The following IL1RAPL2 variants were observed in gnomAD, a reference collection of about 807,000 sequenced individuals.
IL1RAPL2 encodes interleukin 1 receptor accessory protein like 2, also known as X-linked interleukin-1 receptor accessory protein-like 2.
A neutral mutation model predicts 44.1 loss-of-function variants in IL1RAPL2; 3 were observed. The observed-to-expected ratio is 0.07, with a 90% confidence interval of 0.03 to 0.18. The LOEUF (loss-of-function observed/expected upper bound fraction) is 0.18. Among genes scored for constraint, IL1RAPL2 ranks in the 10% least tolerant of loss-of-function variants. The pLI, the probability that IL1RAPL2 is intolerant of heterozygous loss-of-function variation, is 1.00. For synonymous variants in IL1RAPL2, 181 were observed against 178.8 expected, an observed-to-expected ratio of 1.01 and a Z score of -0.10; for missense variants, 391 against 496.4, an observed-to-expected ratio of 0.79 and a Z score of 2.02.
chrX:105,359,426 C>T (rs1185637159), intron 5 of IL1RAPL2, among the ~76,000 whole-genome samples: 1 of 111,599 alleles, frequency 9.0e-6, no homozygotes, highest in Non-Finnish European at 1.9e-5. Context: ...TGGGAATTTT[C>T]ATAATGTGGT....
chrX:104,789,683 G>A (rs1313699784), intron 2 of IL1RAPL2, among the ~76,000 whole-genome samples: 3 of 112,007 alleles, frequency 2.7e-5, no homozygotes, highest in Middle Eastern at 4.6e-3. Context: ...ATGTGACTTT[G>A]GCATATGACT....
chrX:105,631,563 G>A (rs747300308), intron 6 of IL1RAPL2, among the ~76,000 whole-genome samples: 54 of 111,868 alleles, frequency 4.8e-4, no homozygotes, highest in African/African-American at 1.5e-3. Flanking sequence ...CAGACTTTGC[G>A]TCTGCAAGGG....
At chrX:104,742,679 G>A (rs778963254) in intron 2 of IL1RAPL2, among the ~76,000 whole-genome samples, 1 of 111,302 alleles carries the variant, frequency 9.0e-6, no homozygotes, top group South Asian at 3.8e-4. Context: ...TATTCCAAAG[G>A]CATGGATTCA....
At chrX:104,836,582 A>G (rs934083434) in intron 2 of IL1RAPL2, among the ~76,000 whole-genome samples, 1 of 110,604 alleles carries the variant, frequency 9.0e-6, no homozygotes, top group Non-Finnish European at 1.9e-5. Flanking sequence ...AAAAGAAAAC[A>G]ACCACATTGA....
chrX:105,348,834 A>G (rs1214906403), intron 5 of IL1RAPL2, among the ~76,000 whole-genome samples: 1 of 111,852 alleles, frequency 8.9e-6, no homozygotes, highest in Non-Finnish European at 1.9e-5. Flanking sequence ...ACGATGGGTG[A>G]GGGGTCTAGT....
chrX:105,493,393 G>A (rs1342480483), intron 6 of IL1RAPL2, among the ~76,000 whole-genome samples: 1 of 111,117 alleles, frequency 9.0e-6, no homozygotes, highest in Non-Finnish European at 1.9e-5. Flanking sequence ...GTAATGCAGA[G>A]GTTCCAATTT....
intron 5 of IL1RAPL2, among the ~76,000 whole-genome samples, chrX:105,413,411 G>A (rs2035711188): frequency 9.0e-6 from 1 of 111,223 alleles, no homozygotes; most frequent in Non-Finnish European, 1.9e-5. Context: ...GAAGAAGAAG[G>A]CAGAAATGAC....
chrX:104,589,904 A>G (rs1393084908), intron 1 of IL1RAPL2, among the ~76,000 whole-genome samples: 2 of 112,129 alleles, frequency 1.8e-5, no homozygotes. Context: ...ACAAGTTAGC[A>G]TTTGCTCACT....
intron 2 of IL1RAPL2, among the ~76,000 whole-genome samples, chrX:105,078,144 T>C (rs956778975): frequency 9.0e-6 from 1 of 111,665 alleles, no homozygotes; most frequent in Admixed American, 9.6e-5. Context: ...CTGCTCTGTT[T>C]TTTCCCCATC....
In IL1RAPL2 at chrX:105,041,922, G is replaced by A. The variant is rs759536720; in HGVS notation, c.83-153553G>A. Among the ~76,000 whole-genome samples, 138 of 110,512 alleles carry A rather than the reference G, an allele frequency of 1.2e-3. 1 individual carries two copies. Among genetic ancestry groups the A allele is most frequent in the South Asian group, 9.7e-3 (25 of 2,576 alleles). On this transcript the variant is annotated intron_variant, in intron 2 of 10. Coordinates refer to ENST00000372582, the MANE Select transcript of IL1RAPL2 (RefSeq NM_017416.2). ...GAAGAGAGCCCTCAGAAATAACGCCGCATATCTACAATTATCTGATCTTTG... is the reference window on the plus strand; with the variant it reads ...GAAGAGAGCCCTCAGAAATAACGCCACATATCTACAATTATCTGATCTTTG...
intron 2 of IL1RAPL2, among the ~76,000 whole-genome samples, chrX:104,932,967 A>G (rs968708270): frequency 4.4e-4 from 49 of 111,917 alleles, no homozygotes; most frequent in Non-Finnish European, 9.4e-5. Context: ...TTGAATTTCC[A>G]CTAAAGTATC....
intron 6 of IL1RAPL2, among the ~76,000 whole-genome samples, chrX:105,665,354 T>C (rs995392988): frequency 9.1e-6 from 1 of 109,936 alleles, no homozygotes; most frequent in Non-Finnish European, 1.9e-5. Flanking sequence ...CGTGTGTGTG[T>C]GTGTGTGTGT....
intron 5 of IL1RAPL2, among the ~76,000 whole-genome samples, chrX:105,353,441 A>G (rs184106809): frequency 1.8e-5 from 2 of 111,638 alleles, no homozygotes; most frequent in East Asian, 5.6e-4. Flanking sequence ...TATGAACTTT[A>G]AAGTAGTTTT....
intron 6 of IL1RAPL2, among the ~76,000 whole-genome samples, chrX:105,523,066 T>C (rs1014077901): frequency 3.6e-5 from 4 of 111,633 alleles, no homozygotes; most frequent in African/African-American, 1.3e-4. Flanking sequence ...TGTTCTAATC[T>C]CTGTCTTTGA....
rs977614533 is a variant in IL1RAPL2, at chrX:105,483,909, G to T, written c.698-404G>T. 1.5e-4 allele frequency among the ~76,000 whole-genome samples: 17 copies of T among 111,501 alleles called. 1 individual carries two copies. On this transcript the variant is annotated intron_variant, in intron 5 of 10. Transcript: ENST00000372582. Reference sequence around the variant, plus strand: ...TGGGGGATAATTCAGAGGTTTAGAAGATTCATGTCACTAAAAATGTCCGTT... The same window carrying T: ...TGGGGGATAATTCAGAGGTTTAGAATATTCATGTCACTAAAAATGTCCGTT...
intron 2 of IL1RAPL2, among the ~76,000 whole-genome samples, chrX:104,828,612 C>T (rs1305163853): frequency 3.6e-5 from 4 of 111,701 alleles, no homozygotes; most frequent in African/African-American, 9.8e-5. Context: ...GGGTCAGGGA[C>T]CCACTTGAGG....
In IL1RAPL2 at chrX:105,027,422, A is replaced by G. The variant is rs747598344; in HGVS notation, c.83-168053A>G. ...GGGAGAAAATAATTTAAAACTACCC[A>G]TCTGAGAAGGATTAATAACCACAAT... is the stretch of plus-strand genomic sequence containing the variant. On this transcript the variant is annotated intron_variant, in intron 2 of 10. Coordinates refer to ENST00000372582, the MANE Select transcript of IL1RAPL2 (RefSeq NM_017416.2). 1.3e-4 allele frequency among the ~76,000 whole-genome samples: 15 copies of G among 111,829 alleles called. No individual in the cohort carries two copies. In the East Asian group the frequency reaches 2.6e-3, roughly 19 times the overall value.
At chrX:104,748,822 A>G in intron 2 of IL1RAPL2, among the ~76,000 whole-genome samples, 1 of 111,876 alleles carries the variant, frequency 8.9e-6, no homozygotes, top group African/African-American at 3.2e-5. Context: ...TTGTGAATAA[A>G]GTAAATCATT....
chrX:105,389,578 C>A (rs2035506218), intron 5 of IL1RAPL2, among the ~76,000 whole-genome samples: 1 of 111,512 alleles, frequency 9.0e-6, no homozygotes, highest in Non-Finnish European at 1.9e-5. Context: ...ATTTGATAAA[C>A]AACCAATTAC....
Sources: gnomAD v4.1 joint callset for allele counts (sites outside exome capture counted in the v4.1 genomes callset) on GRCh38, gnomAD v4.1.1 for gene constraint, MANE v1.5 for transcripts, NCBI Gene and HGNC (gene_info 2026-07-23, HGNC 2026-07-21) for gene names.